The following DCHS2 variants were observed in gnomAD, a reference collection of about 807,000 sequenced individuals.
DCHS2 encodes the protein protocadherin-23.
DCHS2 carries 142 observed loss-of-function variants against 182.4 expected under a neutral mutation model. The observed-to-expected ratio is 0.78, with a 90% CI of 0.68 to 0.89. The LOEUF (loss-of-function observed/expected upper bound fraction) is 0.89, where lower values mean the gene tolerates loss of function less well. Among genes scored for constraint, DCHS2 ranks in the 40% least tolerant of loss-of-function variants. DCHS2 has a pLI of 0.00. For synonymous variants in DCHS2, 1,740 were observed against 1,663.3 expected (o/e 1.05, Z -1.12); for missense variants, 4,319 against 4,198.6 (o/e 1.03, Z -0.79).
intron 10 of DCHS2, among the ~76,000 whole-genome samples, chr4:154,309,037 T>C (rs1735570693): frequency 6.6e-6 from 1 of 152,204 alleles, no homozygotes; most frequent in Non-Finnish European, 1.5e-5. Context: ...GGGCTCTGCA[T>C]ATCTTTCCAA....
At chr4:154,371,685 G>T (rs1730653823) in intron 2 of DCHS2, among the ~76,000 whole-genome samples, 1 of 152,160 alleles carries the variant, frequency 6.6e-6, no homozygotes, top group Non-Finnish European at 1.5e-5. Flanking sequence ...TTCTGGGAAG[G>T]CCTCAGGAAG....
At chr4:154,452,146 C>G (rs1311676283) in intron 1 of DCHS2, among the ~76,000 whole-genome samples, 1 of 152,102 alleles carries the variant, frequency 6.6e-6, no homozygotes, top group South Asian at 2.1e-4. Context: ...GGTTTGTGCC[C>G]ATGTTGATAT....
intron 1 of DCHS2, among the ~76,000 whole-genome samples, chr4:154,459,697 GGCAGTCCTTTTCTCTGTCTCCA>G (rs1183994807): frequency 1.3e-5 from 2 of 151,658 alleles, no homozygotes; most frequent in African/African-American, 4.9e-5. Context: ...TCCAAGATGT[GGCAGTCCTTTTCTCTGTCTCCA>G]GCAGTATCTA....
intron 12 of DCHS2, among the ~76,000 whole-genome samples, chr4:154,303,302 G>T (rs1432340079): frequency 6.6e-6 from 1 of 151,734 alleles, no homozygotes; most frequent in Non-Finnish European, 1.5e-5. Context: ...TATTTTTAAG[G>T]TTTTTTTATT....
chr4:154,347,722 A>T (rs1246859874), intron 3 of DCHS2, among the ~76,000 whole-genome samples: 1 of 151,926 alleles, frequency 6.6e-6, no homozygotes, highest in African/African-American at 2.4e-5. Flanking sequence ...GGGGAAAGGG[A>T]AAGTAGGAGG....
chr4:154,292,941 T>C (rs1247058615), intron 13 of DCHS2, among the ~76,000 whole-genome samples: 1 of 152,226 alleles, frequency 6.6e-6, no homozygotes, highest in Non-Finnish European at 1.5e-5. Context: ...TGCCACTTTC[T>C]TGTTTCTCTA....
At chr4:154,297,682 C>T (rs1734988458) in intron 13 of DCHS2, among the ~76,000 whole-genome samples, 169 bp downstream of exon 13, 1 of 152,198 alleles carries the variant, frequency 6.6e-6, no homozygotes, top group Non-Finnish European at 1.5e-5. Context: ...CCTGTCATTT[C>T]ATCTCAGACC....
chr4:154,436,610 T>C (rs754981347), intron 1 of DCHS2, among the ~76,000 whole-genome samples: 62 of 152,318 alleles, frequency 4.1e-4, no homozygotes, highest in Admixed American at 2.5e-3. Flanking sequence ...GATATATACA[T>C]ATACAATAAA....
At chr4:154,264,481 G>A (rs142870329) in intron 14 of DCHS2, among the ~76,000 whole-genome samples, 11 of 152,166 alleles carry the variant, frequency 7.2e-5, no homozygotes, top group African/African-American at 2.6e-4. Context: ...AAAGACAGAT[G>A]AAAAATATAA....
At chr4:154,277,630 C>CAAAAAA (rs35543228) in intron 13 of DCHS2, among the ~76,000 whole-genome samples, 1 of 102,514 alleles carries the variant, frequency 9.8e-6, no homozygotes, top group Non-Finnish European at 2.0e-5. Context: ...GAAATCACAC[C>CAAAAAA]AAAAAAAAAA....
chr4:154,271,269 G>T (rs1275152271), intron 13 of DCHS2, among the ~76,000 whole-genome samples: 1 of 152,116 alleles, frequency 6.6e-6, no homozygotes, highest in African/African-American at 2.4e-5. Context: ...TCAAGAATCA[G>T]CTAATTTTTC....
chr4:154,262,748 T>A (rs980510656), intron 14 of DCHS2, among the ~76,000 whole-genome samples: 2 of 152,236 alleles, frequency 1.3e-5, no homozygotes, highest in African/African-American at 4.8e-5. Context: ...TTTATGTTAT[T>A]CAGTAGCTTT....
chr4:154,319,868 AAG>A (rs1328221454), intron 9 of DCHS2, among the ~76,000 whole-genome samples: 1 of 152,138 alleles, frequency 6.6e-6, no homozygotes, highest in Non-Finnish European at 1.5e-5. Context: ...CAGGATCTTG[AAG>A]AGAGAGTAAC....
At chr4:154,397,375 T>C (rs895768827) in intron 1 of DCHS2, among the ~76,000 whole-genome samples, 7 of 152,232 alleles carry the variant, frequency 4.6e-5, no homozygotes, top group Admixed American at 4.6e-4. Flanking sequence ...AAGTTTAGTC[T>C]AGGTCTAGAA....
At chr4:154,343,203 G>T (rs989068175) in intron 3 of DCHS2, among the ~76,000 whole-genome samples, 1 of 152,112 alleles carries the variant, frequency 6.6e-6, no homozygotes, top group Non-Finnish European at 1.5e-5. Flanking sequence ...TGTCATCCAG[G>T]CTCTGTTGTT....
At chr4:154,370,063 T>C (rs1259109754) in intron 2 of DCHS2, among the ~76,000 whole-genome samples, 1 of 152,180 alleles carries the variant, frequency 6.6e-6, no homozygotes, top group African/African-American at 2.4e-5. Context: ...TGTGGTTTCA[T>C]TCCAGTGAGC....
At chr4:154,328,005 T>C (rs923211127) in intron 7 of DCHS2, 88 bp downstream of exon 7, 5 of 890,424 alleles carry the variant, frequency 5.6e-6, no homozygotes, top group Non-Finnish European at 8.1e-6. Flanking sequence ...GTAATCAAAA[T>C]AGAACTTCTT....
intron 1 of DCHS2, among the ~76,000 whole-genome samples, chr4:154,460,777 C>T (rs1734979367): frequency 6.6e-6 from 1 of 152,018 alleles, no homozygotes; most frequent in Admixed American, 6.6e-5. Flanking sequence ...TTATTGCCAG[C>T]TACAACTTCA....
At chr4:154,400,366 C>T (rs1016367801) in intron 1 of DCHS2, among the ~76,000 whole-genome samples, 4 of 148,792 alleles carry the variant, frequency 2.7e-5, no homozygotes, top group African/African-American at 9.8e-5. Context: ...ATATAAGGAC[C>T]CCTGCAGAAT....
Sources: allele counts gnomAD v4.1 joint callset (sites outside exome capture counted in the v4.1 genomes callset), GRCh38; gene constraint gnomAD v4.1.1; transcripts MANE v1.5; gene names NCBI Gene and HGNC (gene_info 2026-07-23, HGNC 2026-07-21).